Variants in RAB36 observed in about 807,000 individuals in gnomAD.
RAB36 encodes the protein ras-related protein Rab-36.
A neutral mutation model predicts 39.3 loss-of-function variants in RAB36; 33 were observed. The ratio of observed to expected loss-of-function variants is 0.84; its 90% confidence interval spans 0.64 to 1.12. RAB36 has a LOEUF of 1.12. Among genes scored for constraint, RAB36 ranks in the 50% most tolerant of loss-of-function variants. RAB36 has a pLI of 0.00. For synonymous variants in RAB36, 133 were observed against 140.2 expected (o/e 0.95, Z 0.36); for missense variants, 308 against 355.3 (o/e 0.87, Z 1.07).
chr22:23,152,499 A>G lies in RAB36; in HGVS notation c.200A>G (p.Tyr67Cys). The change falls in exon 4 of 11, where the codon TAC becomes TGC. Residue 67 changes from tyrosine (Y) to cysteine (C), a missense_variant. Transcript: ENST00000263116. The stretch of plus-strand genomic sequence containing the variant: ...AAGGTGGTGGTGGTTGGCGATCTCT[A>G]CGTGGGGAAGACCAGCCTCATCCAC... ...LSKVVVVGDL[Y>C]VGKTSLIHRF... The G allele has an allele frequency of 6.2e-7, 1 of 1,614,144 alleles. No individual in the cohort carries two copies. Among genetic ancestry groups the G allele is most frequent in the Non-Finnish European group, 8.5e-7 (1 of 1,180,024 alleles).
chr22:23,160,746 T>G, intron 9 of RAB36, 133 bp from the exon 10 acceptor site: 2 of 1,261,696 alleles, frequency 1.6e-6, no homozygotes, highest in Non-Finnish European at 2.2e-6. Flanking sequence ...CCTGGGGTCA[T>G]TGTTACTGTC....
At chr22:23,149,974 T>C in intron 2 of RAB36, 89 bp from the exon 3 acceptor site, 1 of 1,030,606 alleles carries the variant, frequency 9.7e-7, no homozygotes, top group Non-Finnish European at 1.5e-6. Context: ...GAAGGAAGGC[T>C]GGGAAGATCA....
chr22:23,166,386 C>A (rs1038873597), downstream of RAB36, among the ~76,000 whole-genome samples: 9 of 151,556 alleles, frequency 5.9e-5, no homozygotes, highest in African/African-American at 2.2e-4. Context: ...ATATAGGGAA[C>A]TAAGGGAGAG....
chr22:23,145,357 C>G (rs1202911347), upstream of RAB36: 1 of 1,601,732 alleles, frequency 6.2e-7, no homozygotes, highest in Admixed American at 1.7e-5. Context: ...CAGGCAGGTT[C>G]TCGTTGCTAT....
rs1320410876 is a variant in RAB36 at position 23,161,446 on chromosome 22, G to C, written c.740-54G>C. ...TGTCAGGGCCGGCATCCCCTGCCCA[G>C]TGTCAGCTACAGGATTCCTGGTTGA... is the stretch of plus-strand genomic sequence containing the variant. On this transcript the variant is annotated intron_variant, in intron 10 of 10. Coordinates refer to ENST00000263116, the MANE Select transcript of RAB36 (RefSeq NM_004914.5). The C allele has an allele frequency of 2.0e-6, 3 of 1,465,452 alleles. No homozygotes were observed. The African/African-American group carries it at 4.2e-5, about 20-fold the overall frequency. 90.8% of individuals were successfully genotyped at this position (1,465,452 alleles called of 1,614,324 possible).
At chr22:23,145,348 A>G, upstream of RAB36, 1 of 1,584,682 alleles carries the variant, frequency 6.3e-7, no homozygotes, top group Middle Eastern at 1.7e-4. Flanking sequence ...CCCAGACTCC[A>G]GGCAGGTTCT....
rs1011791401 is a variant in RAB36 at position 23,145,967 on chromosome 22, C to G, written c.-13+416C>G. 2.0e-5 allele frequency: 20 copies of G among 985,094 alleles called. No individual in the cohort carries two copies. In the African/African-American group the frequency reaches 3.5e-4, roughly 17 times the overall value. The allele number at this position is 985,094 out of a possible 1,614,324, so 61.0% of individuals were successfully genotyped here. A position where few individuals can be genotyped will look rare whatever the true frequency, so the allele number is the denominator to read the frequency against. On this transcript the variant is annotated intron_variant, in intron 1 of 10. Coordinates refer to ENST00000263116, the MANE Select transcript of RAB36 (RefSeq NM_004914.5). The stretch of plus-strand genomic sequence containing the variant: ...GCCTTCGTCCTTTGCAGACTGGGAG[C>G]AGGAGACCCCTCCCCACTCTACTTC...
chr22:23,157,416 A>G (rs2071518627), intron 6 of RAB36, among the ~76,000 whole-genome samples: 1 of 151,900 alleles, frequency 6.6e-6, no homozygotes, highest in African/African-American at 2.4e-5. Flanking sequence ...ACACCCAGCT[A>G]ATTTTTTTGT....
chr22:23,161,452 G>A (rs2071793270), intron 10 of RAB36, 48 bp from the exon 11 acceptor site: 1 of 1,501,042 alleles, frequency 6.7e-7, no homozygotes, highest in Non-Finnish European at 9.2e-7. Flanking sequence ...CCCAGTGTCA[G>A]CTACAGGATT....
At chr22:23,157,875 G>A in intron 6 of RAB36, 117 bp from the exon 7 acceptor site, 1 of 1,569,722 alleles carries the variant, frequency 6.4e-7, no homozygotes, top group Non-Finnish European at 8.6e-7. Flanking sequence ...TTCCGGTGCT[G>A]AGTGCCTGGT....
At position 23,145,907 on chromosome 22, in the gene RAB36, T is replaced by C. The variant is rs79157678; in HGVS notation, c.-13+356T>C. 5.0e-4 allele frequency: 443 copies of C among 894,910 alleles called. 3 individuals carry two copies. The African/African-American group carries it at 7.4e-3, about 15-fold the overall frequency. 55.4% of individuals were successfully genotyped at this position (894,910 alleles called of 1,614,324 possible). The stretch of plus-strand genomic sequence containing the variant: ...GAGGGTTTTCAGGGAAAAGGCCTAG[T>C]TGGCTGAAAGTTAAGGCCCCCAGGC... On this transcript the variant is annotated intron_variant, in intron 1 of 10. Coordinates refer to ENST00000263116, the MANE Select transcript of RAB36 (RefSeq NM_004914.5).
Position 23,159,228 on chromosome 22 carries a change from G to C in RAB36, c.594G>C (p.Glu198Asp). 1 of 1,601,672 alleles carries C rather than the reference G, an allele frequency of 6.2e-7. No individual in the cohort carries two copies. Among genetic ancestry groups the C allele is most frequent in the Non-Finnish European group, 8.5e-7 (1 of 1,174,520 alleles). ...AVHLAREMQA[E>D]YWSVSAKTGE... is the part of the protein sequence containing the mutation. The stretch of plus-strand genomic sequence containing the variant: ...ACCTGGCCAGGGAGATGCAGGCCGA[G>C]TACTGGTCAGTGTCGGCCAAGACTG... The change falls in exon 9 of 11, where the codon GAG (glutamate) becomes GAC (aspartate). Residue 198 changes from glutamate (E) to aspartate (D), a missense_variant. Transcript: ENST00000263116.
upstream of RAB36, chr22:23,145,335 C>T (rs376838358): frequency 3.8e-6 from 6 of 1,592,178 alleles, no homozygotes; most frequent in African/African-American, 8.0e-5. Flanking sequence ...GCTGCCAGCC[C>T]CGCCCAGACT....
intron 2 of RAB36, among the ~76,000 whole-genome samples, chr22:23,147,743 G>C (rs559061698): frequency 1.3e-5 from 2 of 152,212 alleles, no homozygotes; most frequent in Non-Finnish European, 2.9e-5. Flanking sequence ...AAGATACAAC[G>C]TAAACATCCT....
At chr22:23,156,274 G>A in intron 6 of RAB36, 1 of 447,064 alleles carries the variant, frequency 2.2e-6, no homozygotes, top group Non-Finnish European at 4.1e-6. Context: ...TTAAGTCTCA[G>A]CCCCAGTTTC....
upstream of RAB36, chr22:23,145,428 G>T: frequency 6.2e-7 from 1 of 1,610,636 alleles, no homozygotes. Flanking sequence ...CGCAGACCCC[G>T]CCCACGACGT....
Position 23,158,021 on chromosome 22 carries a change from G to C in RAB36, c.424G>C (p.Val142Leu). 6.2e-7 allele frequency: 1 copy of C among 1,614,162 alleles called. No individual in the cohort carries two copies. ...VIITAFDLTDVQTLEHTRQWL... is the reference protein window; with the variant it reads ...VIITAFDLTDLQTLEHTRQWL... ...CATCACGGCCTTTGACCTCACTGAC[G>C]TGCAGACCCTGGAGCATACCAGGTA... is the stretch of plus-strand genomic sequence containing the variant. Residue 142 changes from valine (V) to leucine (L), a missense_variant, in exon 7 of 11, where the codon GTG becomes CTG. Val to Leu is a conservative substitution (Grantham distance 32, BLOSUM62 1). Coordinates refer to ENST00000263116, the MANE Select transcript of RAB36 (RefSeq NM_004914.5).
At chr22:23,153,757 C>A (rs953469202) in intron 5 of RAB36, among the ~76,000 whole-genome samples, 1 of 133,316 alleles carries the variant, frequency 7.5e-6, no homozygotes, top group Non-Finnish European at 1.5e-5. Flanking sequence ...AGTGCAGTGG[C>A]GCAATCTCAG....
At chr22:23,156,365 G>A (rs1176287424) in intron 6 of RAB36, 3 of 252,044 alleles carry the variant, frequency 1.2e-5, no homozygotes, top group Non-Finnish European at 2.4e-5. Context: ...GGGGAGGTCG[G>A]AGGAGGCTTG....
Sources: allele counts gnomAD v4.1 joint callset (sites outside exome capture counted in the v4.1 genomes callset), GRCh38; gene constraint gnomAD v4.1.1; transcripts MANE v1.5; gene names NCBI Gene and HGNC (gene_info 2026-07-23, HGNC 2026-07-21).